Variants in IFT74 observed in about 807,000 individuals in gnomAD.
IFT74 encodes the protein intraflagellar transport 74.
Under a neutral mutation model 96.7 loss-of-function variants are expected in IFT74, and 92 were observed. That is an observed-to-expected ratio of 0.95 (90% confidence interval 0.80 to 1.13). The LOEUF (loss-of-function observed/expected upper bound fraction) is 1.13, where lower values mean the gene tolerates loss of function less well. IFT74 is among the 50% of genes most tolerant of loss of function. IFT74 has a pLI of 0.00. For missense variants in IFT74, 811 were observed against 698.2 expected, an observed-to-expected ratio of 1.16 and a Z score of -1.82; for synonymous variants, 223 against 213.2, an observed-to-expected ratio of 1.05 and a Z score of -0.40.
intron 8 of IFT74, among the ~76,000 whole-genome samples, chr9:27,007,089 G>T (rs774739140): frequency 6.6e-6 from 1 of 151,704 alleles, no homozygotes; most frequent in African/African-American, 2.4e-5. Flanking sequence ...TGCCCGCCTC[G>T]GCCTCCTAAA....
At chr9:27,033,616 C>T (rs1003525676) in intron 13 of IFT74, among the ~76,000 whole-genome samples, 2 of 150,134 alleles carry the variant, frequency 1.3e-5, no homozygotes, top group East Asian at 1.9e-4. Context: ...GCACATTAAG[C>T]GCTTCTGACA....
Position 26,978,346 on chromosome 9 carries a change from G to A in IFT74, c.256+83G>A, listed in dbSNP as rs935768101. ...CTGTGAACAATTTAAAAAAGTAAAA[G>A]TTGAGTATATTTTGAACAATAAGTA... On this transcript the variant is annotated intron_variant, in intron 3 of 19. Transcript: ENST00000380062. 4.1e-5 allele frequency: 58 copies of A among 1,417,270 alleles called. No individual in the cohort carries two copies. The Middle Eastern group carries it at 7.2e-4, about 18-fold the overall frequency. The allele number at this position is 1,417,270 out of a possible 1,614,324, so 87.8% of individuals were successfully genotyped here. A position where few individuals can be genotyped will look rare whatever the true frequency, so the allele number is the denominator to read the frequency against.
In IFT74 at chr9:27,060,649, A is replaced by G. The variant is rs1245600866; in HGVS notation, c.1682A>G (p.Glu561Gly). The change falls in exon 19 of 20, where the codon GAA (glutamate) becomes GGA (glycine). Residue 561 changes from glutamate (E) to glycine (G), a missense_variant and splice_region_variant. Physicochemically the swap from Glu to Gly is moderately conservative, Grantham distance 98. Coordinates refer to ENST00000380062, the MANE Select transcript of IFT74 (RefSeq NM_025103.4). The part of the protein sequence containing the change: ...HLEQNNFAMK[E>G]FIATKSQESD... ...GAGCAAAATAATTTTGCGATGAAAG[A>G]ATGTATCCTTTAAAAAGCTGAAAAT... 6 of 1,599,904 alleles carry G rather than the reference A, an allele frequency of 3.8e-6. No homozygotes were observed. The highest frequency in any genetic ancestry group is 4.3e-6 in the Non-Finnish European group (5 of 1,171,046).
rs539668265 is a variant in IFT74 at position 27,062,855 on chromosome 9, A to G, written c.*119A>G. On this transcript the variant is annotated 3_prime_UTR_variant, in exon 20 of 20. Coordinates refer to ENST00000380062, the MANE Select transcript of IFT74 (RefSeq NM_025103.4). ...AGTTTACCTAAAATTTCTGAATGTT[A>G]TAATTTTTGTGGCCTCTTTTAAGAA... 4 of 643,562 alleles carry G rather than the reference A, an allele frequency of 6.2e-6. No homozygotes were observed. Among genetic ancestry groups the G allele is most frequent in the African/African-American group, 1.9e-5 (1 of 51,624 alleles). 39.9% of individuals were successfully genotyped at this position (643,562 alleles called of 1,614,324 possible).
chr9:26,972,344 A>G (rs1274154211), intron 2 of IFT74, among the ~76,000 whole-genome samples: 4 of 152,196 alleles, frequency 2.6e-5, no homozygotes, highest in Admixed American at 6.5e-5. Flanking sequence ...ACTTTCTTCA[A>G]CCAACACTGC....
chr9:27,017,217 A>T (rs1829389851), intron 11 of IFT74, among the ~76,000 whole-genome samples, 167 bp downstream of exon 11: 1 of 151,306 alleles, frequency 6.6e-6, no homozygotes, highest in Non-Finnish European at 1.5e-5. Flanking sequence ...TTCCTCTTTT[A>T]TTATTATTAT....
rs200879951 is a variant in IFT74, at chr9:27,009,004, G to A, written c.588-16G>A. ...CTCAATATAGTATCAGGAATATTACGTGCTTCTGATTTTAGGAAAGAAAAA... is the reference window on the plus strand; with the variant it reads ...CTCAATATAGTATCAGGAATATTACATGCTTCTGATTTTAGGAAAGAAAAA... On this transcript the variant is annotated splice_polypyrimidine_tract_variant and intron_variant, in intron 8 of 19. Transcript: ENST00000380062. 77 of 1,601,560 alleles carry A rather than the reference G, an allele frequency of 4.8e-5. No individual in the cohort carries two copies. The highest frequency in any genetic ancestry group is 2.9e-4 in the Admixed American group (17 of 59,284).
intron 1 of IFT74, chr9:26,947,207 G>T: frequency 2.5e-6 from 2 of 813,710 alleles, no homozygotes; most frequent in Non-Finnish European, 3.6e-6. Context: ...GGCTGGGAAG[G>T]GGCGCGCCGA....
upstream of IFT74, among the ~76,000 whole-genome samples, chr9:26,952,212 G>A (rs1301196881): frequency 6.6e-6 from 1 of 151,518 alleles, no homozygotes; most frequent in Non-Finnish European, 1.5e-5. Context: ...ATTAAAAGCT[G>A]GCTAATGTGA....
At chr9:27,033,603 G>A (rs1197499964) in intron 13 of IFT74, among the ~76,000 whole-genome samples, 1 of 149,992 alleles carries the variant, frequency 6.7e-6, no homozygotes, top group African/African-American at 2.5e-5. Context: ...AATGGTGCCT[G>A]GTGCACATTA....
upstream of IFT74, among the ~76,000 whole-genome samples, chr9:26,952,043 C>A (rs998582881): frequency 6.6e-6 from 1 of 152,176 alleles, no homozygotes; most frequent in Non-Finnish European, 1.5e-5. Flanking sequence ...TGTTTTCAAG[C>A]TTTTGGTGCC....
At position 26,948,448 on chromosome 9, in the gene IFT74, A is replaced by ATTAT. The variant is rs1825819541; in HGVS notation, c.-20+1304_-20+1305insATTT. On this transcript the variant is annotated intron_variant, in intron 1 of 19. Transcript: ENST00000433700. The stretch of plus-strand genomic sequence containing the variant: ...TGACAACCTGTGATGGCTTTCCATT[A>ATTAT]TTTTTTTTTTTTTTTTTTTTTTTTT... Among the ~76,000 whole-genome samples the ATTAT allele has an allele frequency of 2.4e-4, 14 of 59,164 alleles. 1 individual carries two copies. The highest frequency in any genetic ancestry group is 5.9e-4 in the African/African-American group (11 of 18,532). 38.8% of individuals were successfully genotyped at this position (59,164 alleles called of 152,430 possible).
chr9:27,017,121 G>C, intron 11 of IFT74, 71 bp downstream of exon 11: 1 of 1,308,256 alleles, frequency 7.6e-7, no homozygotes. Flanking sequence ...TTTTTTTAAA[G>C]GGATATTAAT....
At chr9:27,044,827 A>G in intron 14 of IFT74, 32 bp downstream of exon 14, 1 of 1,282,882 alleles carries the variant, frequency 7.8e-7, no homozygotes, top group East Asian at 2.4e-5. Context: ...ATAAAAATAT[A>G]ATATTTTCAG....
chr9:26,986,894 A>T (rs1827663839), intron 6 of IFT74, among the ~76,000 whole-genome samples: 5 of 152,146 alleles, frequency 3.3e-5, no homozygotes, highest in Admixed American at 3.3e-4. Context: ...AAGTGCTGGG[A>T]TTATAAGCAT....
chr9:26,970,210 C>T (rs867917566), intron 2 of IFT74, among the ~76,000 whole-genome samples: 1 of 152,004 alleles, frequency 6.6e-6, no homozygotes, highest in Non-Finnish European at 1.5e-5. Flanking sequence ...AGTGACTTCA[C>T]CTATTTAATA....
intron 9 of IFT74, among the ~76,000 whole-genome samples, chr9:27,011,687 G>A: frequency 7.0e-6 from 1 of 142,760 alleles, no homozygotes; most frequent in African/African-American, 2.6e-5. Context: ...AAGTTTTTAA[G>A]AATAATGAAA....
chr9:27,053,840 A>G (rs1389742598), intron 16 of IFT74, among the ~76,000 whole-genome samples: 3 of 152,206 alleles, frequency 2.0e-5, no homozygotes, highest in Admixed American at 6.5e-5. Flanking sequence ...AACAGTTCCT[A>G]TTTCGAGCAT....
At chr9:27,008,677 A>C (rs962132508) in intron 8 of IFT74, among the ~76,000 whole-genome samples, 3 of 152,126 alleles carry the variant, frequency 2.0e-5, no homozygotes, top group Non-Finnish European at 4.4e-5. Context: ...TGTCTTTTGA[A>C]GGTATAACTT....
Sources: allele counts gnomAD v4.1 joint callset (sites outside exome capture counted in the v4.1 genomes callset), GRCh38; gene constraint gnomAD v4.1.1; transcripts MANE v1.5; gene names NCBI Gene and HGNC (gene_info 2026-07-23, HGNC 2026-07-21).